The following SLC16A7 variants were observed in gnomAD, a reference collection of about 807,000 sequenced individuals.
SLC16A7 encodes monocarboxylate transporter 2.
In SLC16A7, 33 loss-of-function variants were observed where a neutral mutation model predicts 34.9. The ratio of observed to expected loss-of-function variants is 0.94; its 90% CI spans 0.72 to 1.26. The LOEUF (loss-of-function observed/expected upper bound fraction) is 1.26, where lower values mean the gene tolerates loss of function less well. Among genes scored for constraint, SLC16A7 ranks in the 50% most tolerant of loss-of-function variants. SLC16A7 has a pLI of 0.00. For missense variants in SLC16A7, 573 were observed against 578.1 expected (o/e 0.99, Z 0.09); for synonymous variants, 201 against 206.6 (o/e 0.97, Z 0.23).
intron 3 of SLC16A7, among the ~76,000 whole-genome samples, chr12:59,758,021 A>C (rs1435717671): frequency 6.6e-6 from 1 of 152,146 alleles, no homozygotes; most frequent in African/African-American, 2.4e-5. Context: ...TTAATTGACA[A>C]ATAAGTATTA....
chr12:59,673,008 C>T (rs1018011710), intron 2 of SLC16A7, among the ~76,000 whole-genome samples: 2 of 152,116 alleles, frequency 1.3e-5, no homozygotes, highest in Non-Finnish European at 2.9e-5. Context: ...TGAGCTTTAA[C>T]AAAGCCATAG....
At chr12:59,745,685 G>A (rs1034552936) in intron 3 of SLC16A7, among the ~76,000 whole-genome samples, 3 of 152,108 alleles carry the variant, frequency 2.0e-5, no homozygotes, top group Non-Finnish European at 4.4e-5. Context: ...TATTCTTCCT[G>A]GAAGGTTTAG....
chr12:59,703,849 G>T (rs757888350), intron 2 of SLC16A7, among the ~76,000 whole-genome samples: 3 of 152,064 alleles, frequency 2.0e-5, no homozygotes, highest in Non-Finnish European at 2.9e-5. Flanking sequence ...TAATCATTTT[G>T]CTATGAATAT....
chr12:59,682,909 ATACAAAAT>A (rs1870857044), intron 2 of SLC16A7, among the ~76,000 whole-genome samples: 1 of 152,106 alleles, frequency 6.6e-6, no homozygotes, highest in Admixed American at 6.5e-5. Flanking sequence ...TCTACTAAAA[ATACAAAAT>A]TAGCCAGGCG....
chr12:59,659,674 T>C (rs1254868247), intron 2 of SLC16A7, among the ~76,000 whole-genome samples: 1 of 152,072 alleles, frequency 6.6e-6, no homozygotes, highest in Non-Finnish European at 1.5e-5. Context: ...TATGGTCAAA[T>C]GGGGTTTCTC....
intron 1 of SLC16A7, among the ~76,000 whole-genome samples, chr12:59,599,917 G>T (rs1878604229): frequency 6.6e-6 from 1 of 152,198 alleles, no homozygotes; most frequent in African/African-American, 2.4e-5. Context: ...TTTGAGAGTA[G>T]ATGGTATATC....
rs182623855 is a variant in SLC16A7, at chr12:59,672,194, A to G, written c.-31+16944A>G. ...TATGTGTATATATGCATATATACGT[A>G]TATATACATATATACGTATATATAT... On this transcript the variant is annotated intron_variant, in intron 2 of 5. Coordinates refer to ENST00000547379, the MANE Select transcript of SLC16A7 (RefSeq NM_001270623.2). Among the ~76,000 whole-genome samples, 499 of 50,372 alleles carry G rather than the reference A, an allele frequency of 9.9e-3. 15 individuals carry two copies. The highest frequency in any genetic ancestry group is 0.028 in the African/African-American group (478 of 16,998). 33.0% of individuals were successfully genotyped at this position (50,372 alleles called of 152,430 possible). A position where few individuals can be genotyped will look rare whatever the true frequency, so the allele number is the denominator to read the frequency against.
chr12:59,774,460 A>G (rs1424030325), intron 4 of SLC16A7, among the ~76,000 whole-genome samples, 197 bp from the exon 5 acceptor site: 1 of 152,176 alleles, frequency 6.6e-6, no homozygotes, highest in Non-Finnish European at 1.5e-5. Context: ...CTTGAAATGA[A>G]ACTGTCGTTT....
chr12:59,620,455 C>A (rs1246078234), intron 1 of SLC16A7, among the ~76,000 whole-genome samples: 1 of 151,830 alleles, frequency 6.6e-6, no homozygotes, highest in Non-Finnish European at 1.5e-5. Flanking sequence ...ATTGACCTTG[C>A]TTGTGTGTTC....
intron 3 of SLC16A7, among the ~76,000 whole-genome samples, chr12:59,740,554 C>T (rs908975647): frequency 3.9e-5 from 6 of 151,998 alleles, no homozygotes; most frequent in Non-Finnish European, 7.4e-5. Context: ...ATTGATGGGA[C>T]GTATCTCAAA....
chr12:59,681,675 C>A (rs1473453419), intron 2 of SLC16A7, among the ~76,000 whole-genome samples: 1 of 152,144 alleles, frequency 6.6e-6, no homozygotes, highest in Non-Finnish European at 1.5e-5. Flanking sequence ...CAGCTCCTTT[C>A]AAGTTTAAAT....
chr12:59,683,920 A>G (rs1870943084), intron 2 of SLC16A7, among the ~76,000 whole-genome samples: 1 of 152,226 alleles, frequency 6.6e-6, no homozygotes, highest in Non-Finnish European at 1.5e-5. Flanking sequence ...ATATTATTAC[A>G]TACCATTAAA....
chr12:59,600,976 T>C (rs1565613250), intron 1 of SLC16A7, among the ~76,000 whole-genome samples: 1 of 152,182 alleles, frequency 6.6e-6, no homozygotes, highest in Non-Finnish European at 1.5e-5. Context: ...GGTACTTTCG[T>C]TAAGTTCCAC....
rs560969150 is a variant in SLC16A7, at chr12:59,775,530, C to T, written c.1180+55C>T. 530 of 1,305,418 alleles carry T rather than the reference C, an allele frequency of 4.1e-4. No individual in the cohort carries two copies. The African/African-American group carries it at 6.4e-3, about 16-fold the overall frequency. The allele number at this position is 1,305,418 out of a possible 1,614,324, so 80.9% of individuals were successfully genotyped here. A position where few individuals can be genotyped will look rare whatever the true frequency, so the allele number is the denominator to read the frequency against. ...AAAGCATAAAATTAATATCCATTAA[C>T]GGAGACTTTATATACAGATGTTTAA... On this transcript the variant is annotated intron_variant, in intron 5 of 5. Transcript: ENST00000547379.
intron 2 of SLC16A7, among the ~76,000 whole-genome samples, chr12:59,685,346 C>A (rs537561896): frequency 3.3e-5 from 5 of 152,198 alleles, no homozygotes; most frequent in African/African-American, 9.6e-5. Context: ...CATAGTGAAT[C>A]TTGATGTTTA....
At chr12:59,607,111 TGACTTAGCCTGC>T (rs1284898210) in intron 1 of SLC16A7, among the ~76,000 whole-genome samples, 1 of 152,170 alleles carries the variant, frequency 6.6e-6, no homozygotes, top group Non-Finnish European at 1.5e-5. Context: ...TGAGTAGTTG[TGACTTAGCCTGC>T]AAAACCTGAC....
chr12:59,779,482 G>A lies in SLC16A7; in HGVS notation c.1240G>A (p.Val414Met). The A allele has an allele frequency of 6.2e-7, 1 of 1,611,258 alleles. No homozygotes were observed. The highest frequency in any genetic ancestry group is 8.5e-7 in the Non-Finnish European group (1 of 1,177,712). ...CATGTACATGTCCTGTGGGGCTATT[G>A]TGGTAGCAGCAAGCGTGTGGCTGCT... ...KYMYMSCGAIVVAASVWLLIG... is the reference protein window; with the variant it reads ...KYMYMSCGAIMVAASVWLLIG... The change falls in exon 6 of 6, where the codon GTG becomes ATG. Residue 414 changes from valine (V) to methionine (M), a missense_variant. Physicochemically the swap from Val to Met is conservative, Grantham distance 21. Transcript: ENST00000547379.
At chr12:59,723,353 T>C (rs1875836061) in intron 3 of SLC16A7, among the ~76,000 whole-genome samples, 1 of 151,982 alleles carries the variant, frequency 6.6e-6, no homozygotes, top group Non-Finnish European at 1.5e-5. Context: ...ATTGAGATCC[T>C]CCTGTGTGCC....
In SLC16A7 at chr12:59,784,275, A is replaced by G. The variant is rs1453884660; in HGVS notation, c.*4596A>G. On this transcript the variant is annotated 3_prime_UTR_variant, in exon 6 of 6. Coordinates refer to ENST00000547379, the MANE Select transcript of SLC16A7 (RefSeq NM_001270623.2). The stretch of plus-strand genomic sequence containing the variant: ...AGTCCCAGCTACTCGGGAGGCTGAG[A>G]CGAGAGGGTCATTTGAGCCCAGGAA... The G allele has an allele frequency of 6.6e-6, 1 of 152,066 alleles. No individual in the cohort carries two copies. Among genetic ancestry groups the G allele is most frequent in the Non-Finnish European group, 1.5e-5 (1 of 68,014 alleles). 9.4% of individuals were successfully genotyped at this position (152,066 alleles called of 1,614,324 possible).
Sources: gnomAD v4.1 joint callset for allele counts (sites outside exome capture counted in the v4.1 genomes callset) on GRCh38, gnomAD v4.1.1 for gene constraint, MANE v1.5 for transcripts, NCBI Gene and HGNC (gene_info 2026-07-23, HGNC 2026-07-21) for gene names.